RIMS2: variants seen among roughly 807,000 people sequenced by gnomAD.
RIMS2 encodes regulating synaptic membrane exocytosis protein 2.
Under a neutral mutation model 174.4 loss-of-function variants are expected in RIMS2, and 59 were observed. That is an observed-to-expected ratio of 0.34 (90% CI 0.27 to 0.42). The LOEUF (loss-of-function observed/expected upper bound fraction) is 0.42. Among genes scored for constraint, RIMS2 ranks in the 10% least tolerant of loss-of-function variants. The probability of loss-of-function intolerance (pLI) is 1.00; values close to 1 mark genes in which losing one functional copy is unlikely to be tolerated. For missense variants in RIMS2, 1,620 were observed against 1,666.3 expected (o/e 0.97, Z 0.48); for synonymous variants, 606 against 572.5 (o/e 1.06, Z -0.84).
intron 1 of RIMS2, chr8:103,568,493 T>A (rs938711528): frequency 5.0e-5 from 14 of 277,858 alleles, no homozygotes; most frequent in African/African-American, 3.1e-4. Context: ...TGAGACAGAA[T>A]TCTTAATGTT....
At chr8:103,707,025 C>T (rs143569008) in intron 2 of RIMS2, among the ~76,000 whole-genome samples, 2 of 152,216 alleles carry the variant, frequency 1.3e-5, no homozygotes, top group East Asian at 1.9e-4. Flanking sequence ...AGCCTGTCTT[C>T]GAGTTACTGA....
intron 19 of RIMS2, among the ~76,000 whole-genome samples, chr8:104,150,792 G>T (rs1359099741): frequency 6.6e-6 from 1 of 152,142 alleles, no homozygotes; most frequent in African/African-American, 2.4e-5. Flanking sequence ...AGTTTTAAAA[G>T]GTTCTCAGTA....
At chr8:103,693,484 G>A (rs183979149) in intron 1 of RIMS2, among the ~76,000 whole-genome samples, 217 of 152,252 alleles carry the variant, frequency 1.4e-3, no homozygotes, top group African/African-American at 4.0e-3. Context: ...CGCTGGAAAT[G>A]ATTGCTTTTT....
intron 4 of RIMS2, among the ~76,000 whole-genome samples, chr8:103,908,422 A>G (rs1289205316): frequency 6.6e-6 from 1 of 152,192 alleles, no homozygotes; most frequent in Non-Finnish European, 1.5e-5. Context: ...AAAATCAACC[A>G]CCATATTTAA....
chr8:103,772,581 C>T (rs1265229753), intron 3 of RIMS2, among the ~76,000 whole-genome samples: 1 of 152,076 alleles, frequency 6.6e-6, no homozygotes, highest in East Asian at 1.9e-4. Context: ...GTTAAGATGT[C>T]TTTCTCCCCA....
At chr8:104,098,978 GTCTA>G (rs1322747260) in intron 19 of RIMS2, among the ~76,000 whole-genome samples, 1 of 152,136 alleles carries the variant, frequency 6.6e-6, no homozygotes. Flanking sequence ...TATCTATTTT[GTCTA>G]TCTAGGCTTT....
chr8:103,762,780 A>G (rs1302276530), intron 2 of RIMS2, among the ~76,000 whole-genome samples: 1 of 152,242 alleles, frequency 6.6e-6, no homozygotes, highest in East Asian at 1.9e-4. Flanking sequence ...ACAAATCTAG[A>G]TGGTATAGCC....
chr8:103,886,188 A>T, exon 4 of RIMS2: 1 of 1,612,060 alleles, frequency 6.2e-7, no homozygotes, highest in Non-Finnish European at 8.5e-7. Flanking sequence ...AGTTGTGATG[A>T]TGTTGAGATT....
chr8:104,014,207 G>A (rs2095842041), intron 18 of RIMS2, among the ~76,000 whole-genome samples: 1 of 152,094 alleles, frequency 6.6e-6, no homozygotes, highest in Non-Finnish European at 1.5e-5. Flanking sequence ...TTCTTGAGCA[G>A]CGAAATTCTC....
At chr8:103,847,490 A>G (rs1013079041) in intron 3 of RIMS2, among the ~76,000 whole-genome samples, 7 of 152,088 alleles carry the variant, frequency 4.6e-5, no homozygotes, top group African/African-American at 1.7e-4. Flanking sequence ...TTAACACTAC[A>G]AAGAAACATA....
chr8:103,853,422 C>A (rs753147536), intron 3 of RIMS2, among the ~76,000 whole-genome samples: 1 of 152,024 alleles, frequency 6.6e-6, no homozygotes, highest in Non-Finnish European at 1.5e-5. Context: ...GTTTCCATTG[C>A]AATTGCTCTT....
intron 3 of RIMS2, among the ~76,000 whole-genome samples, chr8:103,767,197 T>C (rs2098183948): frequency 6.6e-6 from 1 of 151,728 alleles, no homozygotes; most frequent in Non-Finnish European, 1.5e-5. Flanking sequence ...TCTTTCTTTT[T>C]TTTTTTTTTG....
chr8:103,991,291 G>T (rs575634543), intron 17 of RIMS2, among the ~76,000 whole-genome samples: 45 of 151,584 alleles, frequency 3.0e-4, no homozygotes, highest in Non-Finnish European at 5.0e-4. Context: ...TTAATTGTGA[G>T]CTGCCTTAAA....
chr8:103,565,956 C>G (rs2092301932), intron 1 of RIMS2, among the ~76,000 whole-genome samples: 1 of 151,952 alleles, frequency 6.6e-6, no homozygotes, highest in Non-Finnish European at 1.5e-5. Context: ...TGGGGTTTGT[C>G]AAAACCAAAA....
chr8:103,798,354 G>A (rs2154448935), intron 3 of RIMS2, among the ~76,000 whole-genome samples: 1 of 152,174 alleles, frequency 6.6e-6, no homozygotes, highest in East Asian at 1.9e-4. Context: ...GAGAAGTTTT[G>A]TAGATTTGTT....
chr8:104,089,416 G>A (rs2097593549), intron 19 of RIMS2, among the ~76,000 whole-genome samples: 1 of 151,712 alleles, frequency 6.6e-6, no homozygotes, highest in Admixed American at 6.6e-5. Context: ...AATGTTGACT[G>A]TAGTATTAAG....
intron 19 of RIMS2, among the ~76,000 whole-genome samples, chr8:104,067,729 A>G (rs900589420): frequency 6.6e-6 from 1 of 152,136 alleles, no homozygotes; most frequent in Non-Finnish European, 1.5e-5. Flanking sequence ...CATGTTTTCT[A>G]GGATTTGCTA....
intron 19 of RIMS2, among the ~76,000 whole-genome samples, chr8:104,222,790 A>G (rs1193529695): frequency 6.6e-6 from 1 of 152,248 alleles, no homozygotes; most frequent in Non-Finnish European, 1.5e-5. Flanking sequence ...TGGGTAGATT[A>G]TTTAATTTAG....
intron 13 of RIMS2, among the ~76,000 whole-genome samples, chr8:103,939,329 T>C (rs1027392722): frequency 1.3e-5 from 2 of 152,246 alleles, no homozygotes; most frequent in Admixed American, 1.3e-4. Flanking sequence ...ATGTGGAAGC[T>C]GCCAAGCTTG....
Sources: gnomAD v4.1 joint callset for allele counts (sites outside exome capture counted in the v4.1 genomes callset) on GRCh38, gnomAD v4.1.1 for gene constraint, MANE v1.5 for transcripts, NCBI Gene and HGNC (gene_info 2026-07-23, HGNC 2026-07-21) for gene names.